Variants in FHIP1A observed in about 807,000 individuals in gnomAD.
The protein encoded by FHIP1A is FHF complex subunit HOOK-interacting protein 1A.
Under a neutral mutation model 88.6 loss-of-function variants are expected in FHIP1A, and 61 were observed. The observed-to-expected ratio is 0.69, with a 90% CI of 0.56 to 0.85. The LOEUF is 0.85. FHIP1A is among the 40% of genes least tolerant of loss of function. The probability of loss-of-function intolerance (pLI) is 0.00; values close to 1 mark genes in which losing one functional copy is unlikely to be tolerated. For missense variants in FHIP1A, 1,154 were observed against 1,273.5 expected (o/e 0.91, Z 1.43); for synonymous variants, 478 against 496.0 (o/e 0.96, Z 0.48).
At chr4:151,602,046 C>T (rs531336094) in intron 7 of FHIP1A, among the ~76,000 whole-genome samples, 6 of 152,124 alleles carry the variant, frequency 3.9e-5, no homozygotes, top group African/African-American at 1.4e-4. Flanking sequence ...ACCAGAACAG[C>T]ATGGGAAAGA....
chr4:151,505,103 A>G (rs143014589), intron 3 of FHIP1A, among the ~76,000 whole-genome samples: 47 of 152,158 alleles, frequency 3.1e-4, no homozygotes, highest in African/African-American at 1.0e-3. Context: ...CAGGCTATCA[A>G]TTGTCCTGTA....
intron 7 of FHIP1A, among the ~76,000 whole-genome samples, chr4:151,618,946 G>A (rs866192260): frequency 1.3e-5 from 2 of 152,172 alleles, no homozygotes; most frequent in East Asian, 1.9e-4. Context: ...CAAAGAGATC[G>A]GTTAATGCAA....
intron 4 of FHIP1A, among the ~76,000 whole-genome samples, chr4:151,566,910 A>G (rs1454109539): frequency 1.3e-5 from 2 of 152,272 alleles, no homozygotes; most frequent in East Asian, 1.9e-4. Flanking sequence ...ACAACTAGTA[A>G]GTTACTAAGC....
rs201679670 is a variant in FHIP1A, at chr4:151,642,455, AAACAACAACAAC to A, written c.1226+3717_1226+3728del. Among the ~76,000 whole-genome samples, 16 of 151,824 alleles carry A rather than the reference AAACAACAACAAC, an allele frequency of 1.1e-4. 1 individual carries two copies. The highest frequency in any genetic ancestry group is 2.7e-4 in the African/African-American group (11 of 41,358). On this transcript the variant is annotated intron_variant, in intron 9 of 13. Transcript: ENST00000435205. ...GGAGCTAGGGGTTTGGAGGAAAGGA[AAACAACAACAAC>A]AACAACAACAACAACAAAAACCCTG...
intron 3 of FHIP1A, among the ~76,000 whole-genome samples, chr4:151,495,351 A>G (rs1325895672): frequency 6.6e-6 from 1 of 151,942 alleles, no homozygotes; most frequent in East Asian, 2.0e-4. Context: ...AAAAATAAAA[A>G]ATTAGCTGGA....
intron 1 of FHIP1A, among the ~76,000 whole-genome samples, chr4:151,436,948 A>G (rs559353904): frequency 1.3e-5 from 2 of 152,280 alleles, no homozygotes; most frequent in African/African-American, 4.8e-5. Flanking sequence ...AATACCTAAT[A>G]CAATCTAAAT....
chr4:151,510,527 A>C (rs1392231510), intron 3 of FHIP1A, among the ~76,000 whole-genome samples: 1 of 151,928 alleles, frequency 6.6e-6, no homozygotes, highest in Non-Finnish European at 1.5e-5. Context: ...CTTAATGTTA[A>C]CCTCTTACTT....
chr4:151,513,451 T>A (rs1000117731), intron 3 of FHIP1A, among the ~76,000 whole-genome samples: 3 of 152,120 alleles, frequency 2.0e-5, no homozygotes, highest in Non-Finnish European at 2.9e-5. Context: ...CACATATAAC[T>A]ATATTAACTT....
chr4:151,612,435 C>T (rs1208761801), intron 7 of FHIP1A, among the ~76,000 whole-genome samples: 2 of 152,200 alleles, frequency 1.3e-5, no homozygotes, highest in African/African-American at 4.8e-5. Flanking sequence ...GGCTGGATTG[C>T]AGTGGCACAA....
At position 151,577,752 on chromosome 4, in the gene FHIP1A, C is replaced by T. The variant is rs1228411095; in HGVS notation, c.408C>T (p.His136=). ...VTQSHQPLLH[H]KPILKPLMML... ...AGTCGCACCAGCCTCTGCTGCACCA[C>T]AAACCCATTCTGAAGCCTCTGATGA... Residue 136 remains histidine, a synonymous_variant, in exon 5 of 14, where the codon CAC becomes CAT. Coordinates refer to ENST00000435205, the MANE Select transcript of FHIP1A (RefSeq NM_001109977.3). The T allele has an allele frequency of 6.4e-7, 1 of 1,551,796 alleles. No homozygotes were observed. Among genetic ancestry groups the T allele is most frequent in the African/African-American group, 1.4e-5 (1 of 73,026 alleles).
intron 11 of FHIP1A, among the ~76,000 whole-genome samples, chr4:151,653,540 G>A (rs1342157016): frequency 1.3e-5 from 2 of 152,140 alleles, no homozygotes; most frequent in Non-Finnish European, 2.9e-5. Context: ...ACTTCCTAGG[G>A]TTGTTTTGAA....
intron 7 of FHIP1A, among the ~76,000 whole-genome samples, chr4:151,609,901 C>T (rs1735257573): frequency 6.6e-6 from 1 of 151,928 alleles, no homozygotes; most frequent in Non-Finnish European, 1.5e-5. Flanking sequence ...AACAAAAAAC[C>T]CCAAAAAACT....
intron 4 of FHIP1A, among the ~76,000 whole-genome samples, chr4:151,572,587 G>T (rs1488119983): frequency 6.6e-6 from 1 of 152,216 alleles, no homozygotes; most frequent in Non-Finnish European, 1.5e-5. Context: ...AAACTTTTGT[G>T]TAGTTATTTG....
chr4:151,551,461 G>A (rs1289107074), intron 3 of FHIP1A, among the ~76,000 whole-genome samples: 1 of 152,124 alleles, frequency 6.6e-6, no homozygotes, highest in African/African-American at 2.4e-5. Context: ...AACCAAAACA[G>A]CATGGTACTG....
intron 7 of FHIP1A, among the ~76,000 whole-genome samples, chr4:151,626,106 G>T (rs1316396551): frequency 1.3e-5 from 2 of 152,168 alleles, no homozygotes; most frequent in African/African-American, 4.8e-5. Context: ...TATATTTAAT[G>T]TATCACATTA....
At chr4:151,413,759 A>G (rs1368901692) in intron 1 of FHIP1A, among the ~76,000 whole-genome samples, 1 of 151,434 alleles carries the variant, frequency 6.6e-6, no homozygotes, top group African/African-American at 2.4e-5. Flanking sequence ...CTGGCCTCAT[A>G]TGTATTACTT....
rs7664663 is a variant in FHIP1A at position 151,586,862 on chromosome 4, G to T, written c.891+63G>T. 30 of 1,222,772 alleles carry T rather than the reference G, an allele frequency of 2.5e-5. No individual in the cohort carries two copies. The Admixed American group carries it at 5.7e-4, about 23-fold the overall frequency. The allele number at this position is 1,222,772 out of a possible 1,614,324, so 75.7% of individuals were successfully genotyped here. ...TCATTCAGAGCACAAGCACTGCAAA[G>T]GATTAATTTTAAAACGTTCATTTTT... On this transcript the variant is annotated intron_variant, in intron 6 of 13. Coordinates refer to ENST00000435205, the MANE Select transcript of FHIP1A (RefSeq NM_001109977.3).
intron 4 of FHIP1A, among the ~76,000 whole-genome samples, chr4:151,573,501 A>G (rs945410021): frequency 3.3e-5 from 5 of 152,130 alleles, no homozygotes; most frequent in African/African-American, 1.2e-4. Context: ...TAATTTGGAA[A>G]TATTTGCAAA....
intron 1 of FHIP1A, among the ~76,000 whole-genome samples, chr4:151,429,919 A>G (rs1272264212): frequency 6.6e-6 from 1 of 152,146 alleles, no homozygotes; most frequent in Non-Finnish European, 1.5e-5. Flanking sequence ...TCCAGCTTAC[A>G]GATACCAAAT....
Sources: gnomAD v4.1 joint callset for allele counts (sites outside exome capture counted in the v4.1 genomes callset) on GRCh38, gnomAD v4.1.1 for gene constraint, MANE v1.5 for transcripts, NCBI Gene and HGNC (gene_info 2026-07-23, HGNC 2026-07-21) for gene names.